The following PLPPR1 variants were observed in gnomAD, a reference collection of about 807,000 sequenced individuals.
PLPPR1 encodes the protein phospholipid phosphatase-related protein type 1.
PLPPR1 carries 10 observed loss-of-function variants against 33.1 expected under a neutral mutation model. The observed-to-expected ratio is 0.30, with a 90% confidence interval of 0.19 to 0.51. The LOEUF is 0.51. PLPPR1 is among the 20% of genes least tolerant of loss of function. The pLI is 0.97. For missense variants in PLPPR1, 304 were observed against 408.1 expected (o/e 0.74, Z 2.20); for synonymous variants, 151 against 151.0 (o/e 1.00, Z 0.00).
intron 1 of PLPPR1, among the ~76,000 whole-genome samples, chr9:101,037,710 T>C (rs958810813): frequency 2.6e-5 from 4 of 151,980 alleles, no homozygotes; most frequent in African/African-American, 9.7e-5. Context: ...CCTTCCCTCC[T>C]GGGGGTCACA....
chr9:101,303,817 A>G (rs77678438), intron 4 of PLPPR1, among the ~76,000 whole-genome samples: 7,254 of 152,230 alleles, frequency 0.048, 536 homozygotes, highest in African/African-American at 0.16. Context: ...ATGAAAATGT[A>G]TAGAAGTTTT....
At chr9:101,304,025 C>T (rs1465250653) in intron 4 of PLPPR1, among the ~76,000 whole-genome samples, 2 of 152,182 alleles carry the variant, frequency 1.3e-5, no homozygotes, top group African/African-American at 4.8e-5. Context: ...GATCTCCATA[C>T]TCTAAGGTTT....
intron 2 of PLPPR1, among the ~76,000 whole-genome samples, chr9:101,191,456 CTG>C (rs1351966274): frequency 6.6e-6 from 1 of 152,172 alleles, no homozygotes; most frequent in Non-Finnish European, 1.5e-5. Context: ...CGTTCCACTT[CTG>C]TTACTCTTTC....
At chr9:101,078,977 T>C (rs1400720035) in intron 1 of PLPPR1, among the ~76,000 whole-genome samples, 1 of 152,218 alleles carries the variant, frequency 6.6e-6, no homozygotes, top group Non-Finnish European at 1.5e-5. Context: ...TTCATGTATG[T>C]TTTATTTAAA....
chr9:101,089,772 G>C (rs1472758167), intron 1 of PLPPR1, among the ~76,000 whole-genome samples: 1 of 152,010 alleles, frequency 6.6e-6, no homozygotes, highest in Non-Finnish European at 1.5e-5. Flanking sequence ...AGAGTCTCTT[G>C]TTATTTTTAA....
intron 2 of PLPPR1, among the ~76,000 whole-genome samples, chr9:101,236,536 T>TCACACACACA (rs60508436): frequency 0.015 from 2,272 of 148,670 alleles, 43 homozygotes; most frequent in African/African-American, 0.05. Flanking sequence ...CTCTCTAAAC[T>TCACACACACA]CACACACACA....
chr9:101,237,822 T>TACATAC lies in PLPPR1; in HGVS notation c.64-32057_64-32056insCATACA, dbSNP rs1564011175. Among the ~76,000 whole-genome samples the TACATAC allele has an allele frequency of 1.5e-3, 147 of 97,532 alleles. 1 individual carries two copies. Among genetic ancestry groups the TACATAC allele is most frequent in the African/African-American group, 7.2e-3 (143 of 19,806 alleles). 64.0% of individuals were successfully genotyped at this position (97,532 alleles called of 152,430 possible). ...AGTAGTATTCCATTGTGTGCATATA[T>TACATAC]ATATATATATATATGCTATATATGT... On this transcript the variant is annotated intron_variant, in intron 2 of 7. Coordinates refer to ENST00000374874, the MANE Select transcript of PLPPR1 (RefSeq NM_207299.2).
chr9:101,170,216 C>T (rs1417276910), intron 1 of PLPPR1, among the ~76,000 whole-genome samples: 9 of 152,048 alleles, frequency 5.9e-5, no homozygotes, highest in Non-Finnish European at 1.2e-4. Flanking sequence ...AGATATGAAA[C>T]AATTACACAA....
intron 1 of PLPPR1, among the ~76,000 whole-genome samples, chr9:101,081,338 A>G (rs561457003): frequency 9.6e-4 from 146 of 151,776 alleles, no homozygotes; most frequent in African/African-American, 3.4e-3. Flanking sequence ...TCTGTCTCAA[A>G]CGCCTGCCAC....
chr9:101,301,526 TTTC>T (rs1418268847), intron 4 of PLPPR1, among the ~76,000 whole-genome samples: 3 of 152,208 alleles, frequency 2.0e-5, no homozygotes, highest in South Asian at 4.1e-4. Context: ...AATAAAATCT[TTTC>T]TTATGATTTC....
intron 1 of PLPPR1, among the ~76,000 whole-genome samples, chr9:101,124,138 C>T (rs751587451): frequency 3.3e-5 from 5 of 152,198 alleles, no homozygotes; most frequent in Admixed American, 1.3e-4. Flanking sequence ...GCTCTGCAGC[C>T]TTTAATTGCC....
intron 1 of PLPPR1, among the ~76,000 whole-genome samples, chr9:101,143,368 C>A (rs73656170): frequency 2.5e-3 from 386 of 152,212 alleles, no homozygotes; most frequent in African/African-American, 8.7e-3. Context: ...GTCTTTCCTC[C>A]AGTTCATATA....
At chr9:101,196,101 T>C (rs904002878) in intron 2 of PLPPR1, among the ~76,000 whole-genome samples, 5 of 152,168 alleles carry the variant, frequency 3.3e-5, no homozygotes, top group Admixed American at 3.3e-4. Context: ...TTGAATATAA[T>C]ATCAACCAGT....
intron 3 of PLPPR1, among the ~76,000 whole-genome samples, chr9:101,271,518 G>A (rs1209587346): frequency 6.6e-6 from 1 of 152,158 alleles, no homozygotes; most frequent in African/African-American, 2.4e-5. Context: ...CCATTCCTCA[G>A]AGGAAGGGTA....
intron 2 of PLPPR1, among the ~76,000 whole-genome samples, chr9:101,245,760 C>G (rs1024250957): frequency 6.6e-6 from 1 of 151,754 alleles, no homozygotes; most frequent in Non-Finnish European, 1.5e-5. Flanking sequence ...TGAGTAACCT[C>G]TACAGTGCTT....
At chr9:101,109,158 T>C (rs997682469) in intron 1 of PLPPR1, among the ~76,000 whole-genome samples, 6 of 110,772 alleles carry the variant, frequency 5.4e-5, no homozygotes, top group Non-Finnish European at 7.4e-5. Flanking sequence ...TTTTTTTTTT[T>C]AGTAGAGTTG....
chr9:101,142,628 A>C (rs991571516), intron 1 of PLPPR1, among the ~76,000 whole-genome samples: 1 of 152,190 alleles, frequency 6.6e-6, no homozygotes, highest in African/African-American at 2.4e-5. Context: ...CCCAGATAAG[A>C]ATTCAGGAAT....
At chr9:101,181,628 G>GTGTGTGTGTA (rs1554732861) in intron 1 of PLPPR1, among the ~76,000 whole-genome samples, 22 of 146,516 alleles carry the variant, frequency 1.5e-4, no homozygotes, top group African/African-American at 3.5e-4. Context: ...GTGTGTGTGT[G>GTGTGTGTGTA]TGTGTATGTG....
intron 2 of PLPPR1, among the ~76,000 whole-genome samples, chr9:101,212,714 A>G (rs1382759873): frequency 2.0e-5 from 3 of 152,204 alleles, no homozygotes; most frequent in African/African-American, 7.2e-5. Context: ...TTGTGTAACT[A>G]TATAGGAAGT....
Sources: gnomAD v4.1 joint callset for allele counts (sites outside exome capture counted in the v4.1 genomes callset) on GRCh38, gnomAD v4.1.1 for gene constraint, MANE v1.5 for transcripts, NCBI Gene and HGNC (gene_info 2026-07-23, HGNC 2026-07-21) for gene names.